Variants in WRAP73 observed in about 807,000 individuals in gnomAD.
WRAP73 encodes WD repeat-containing protein WRAP73.
A neutral mutation model predicts 59.6 loss-of-function variants in WRAP73; 55 were observed. The ratio of observed to expected loss-of-function variants is 0.92; its 90% CI spans 0.74 to 1.15. The LOEUF is 1.15. WRAP73 is among the 50% of genes most tolerant of loss of function. The pLI, the probability that WRAP73 is intolerant of heterozygous loss-of-function variation, is 0.00. For synonymous variants in WRAP73, 265 were observed against 258.2 expected, an observed-to-expected ratio of 1.03 and a Z score of -0.25; for missense variants, 592 against 608.1, an observed-to-expected ratio of 0.97 and a Z score of 0.28.
Position 3,633,439 on chromosome 1 carries a change from G to C in WRAP73, c.881C>G (p.Pro294Arg), listed in dbSNP as rs1644558508. Residue 294 changes from proline to arginine, a missense_variant, in exon 9 of 12, where the codon CCC (proline) becomes CGC (arginine). By Grantham distance (103) the Pro-to-Arg change is moderately radical. Transcript: ENST00000270708. ...LGLGCLSFPP[P>R]RAGAGPLPSS... ...CGGGAGAGGGCCGGCCCCGGCCCGG[G>C]GCGGCGGGAAGGAGAGGCAGCCCAG... The C allele has an allele frequency of 6.2e-7, 1 of 1,612,482 alleles. No individual in the cohort carries two copies. The highest frequency in any genetic ancestry group is 1.3e-5 in the African/African-American group (1 of 74,906).
chr1:3,634,257 C>T (rs144044265), intron 8 of WRAP73: 1,839 of 153,896 alleles, frequency 0.012, 20 homozygotes, highest in Non-Finnish European at 0.021. Context: ...GATGCATCCC[C>T]GGCAGTGGCT....
rs552075918 is a variant in WRAP73 at position 3,643,189 on chromosome 1, C to T, written c.339+3477G>A. Among the ~76,000 whole-genome samples, 13 of 152,324 alleles carry T rather than the reference C, an allele frequency of 8.5e-5. No individual in the cohort carries two copies. In the South Asian group the frequency reaches 2.5e-3, roughly 29 times the overall value. On this transcript the variant is annotated intron_variant, in intron 3 of 11. Coordinates refer to ENST00000270708, the MANE Select transcript of WRAP73 (RefSeq NM_017818.4). ...ACACGGAGGAGTCTAAAAGCAGTGA[C>T]GGGGAACAGCAACAGCAGAGACTGC...
At chr1:3,643,413 T>C (rs1048350295) in intron 3 of WRAP73, among the ~76,000 whole-genome samples, 3 of 152,246 alleles carry the variant, frequency 2.0e-5, no homozygotes, top group African/African-American at 4.8e-5. Context: ...GCTGCAGGCC[T>C]AGGGGTGAGC....
chr1:3,631,533 G>A lies in WRAP73; in HGVS notation c.1173C>T (p.Cys391=), dbSNP rs1053718617. Residue 391 remains cysteine, a synonymous_variant, in exon 11 of 12, where the codon TGC becomes TGT. Transcript: ENST00000270708. ...WDPQQPRLAI[C]TGGSRLYLWS... is the part of the protein sequence containing the mutation. ...ACAGGTAGAGCCTGCTGCCTCCCGT[G>A]CAGATGGCCAGCCGCGGCTGCTGCG... The A allele has an allele frequency of 6.2e-7, 1 of 1,610,846 alleles. No individual in the cohort carries two copies. The highest frequency in any genetic ancestry group is 1.7e-5 in the Admixed American group (1 of 59,798).
Position 3,646,668 on chromosome 1 carries a change from G to C in WRAP73, c.337C>G (p.His113Asp), listed in dbSNP as rs1644694268. 6.3e-7 allele frequency: 1 copy of C among 1,593,360 alleles called. No homozygotes were observed. Among genetic ancestry groups the C allele is most frequent in the East Asian group, 2.3e-5 (1 of 44,336 alleles). Residue 113 changes from histidine (H) to aspartate (D), a missense_variant and splice_region_variant, in exon 3 of 12, where the codon CAT (histidine) becomes GAT (aspartate). By Grantham distance (81) the His-to-Asp change is moderately conservative. Transcript: ENST00000270708. This position sits in a 1 kb window ranked among gnomAD's most constrained non-coding sequence, Gnocchi z 5.1. ...GGTGTCTTGGGGCTGACACTTACAT[G>C]GAATTCCGTGGTGTTGAGAATGTGG... ...GRHILNTTEF[H>D]LRITVWSLCT...
chr1:3,633,408 T>C lies in WRAP73; in HGVS notation c.912A>G (p.Ser304=), dbSNP rs1289089525. 2 of 1,612,692 alleles carry C rather than the reference T, an allele frequency of 1.2e-6. No individual in the cohort carries two copies. The highest frequency in any genetic ancestry group is 2.7e-5 in the African/African-American group (2 of 75,022). ...PRAGAGPLPS[S]ESKYEIASVP... ...ACATGTGCTACTTACATTTACTCTC[T>C]GAGCTCGGGAGAGGGCCGGCCCCGG... Residue 304 remains serine, a synonymous_variant, in exon 9 of 12, where the codon TCA becomes TCG. Coordinates refer to ENST00000270708, the MANE Select transcript of WRAP73 (RefSeq NM_017818.4).
At chr1:3,645,818 C>CA (rs1331976618) in intron 3 of WRAP73, among the ~76,000 whole-genome samples, 1 of 152,144 alleles carries the variant, frequency 6.6e-6, no homozygotes, top group Non-Finnish European at 1.5e-5. Flanking sequence ...CTGAGCTCAG[C>CA]ACGGAGGCTG....
intron 9 of WRAP73, 33 bp downstream of exon 9, chr1:3,633,365 A>G: frequency 6.4e-7 from 1 of 1,569,962 alleles, no homozygotes; most frequent in Non-Finnish European, 8.8e-7. Flanking sequence ...GCATTAAAAA[A>G]GGAAAACAAA....
chr1:3,633,339 G>C, intron 9 of WRAP73, 59 bp downstream of exon 9: 7 of 1,490,348 alleles, frequency 4.7e-6, no homozygotes, highest in Non-Finnish European at 6.5e-6. Flanking sequence ...AGTTTATCTG[G>C]ACAACGAGGA....
rs368156497 is a variant in WRAP73, at chr1:3,633,522, C to A, written c.817-19G>T. 3 of 1,562,358 alleles carry A rather than the reference C, an allele frequency of 1.9e-6. No homozygotes were observed. In the African/African-American group the frequency reaches 4.1e-5, roughly 21 times the overall value. On this transcript the variant is annotated intron_variant, in intron 8 of 11. Transcript: ENST00000270708. ...ACACCACCTGAAAGACACAAGGTGGCCACGCCCGGCTCAGGACAGGGACCC... is the reference window on the plus strand; with the variant it reads ...ACACCACCTGAAAGACACAAGGTGGACACGCCCGGCTCAGGACAGGGACCC...
chr1:3,632,463 T>C, intron 9 of WRAP73, 125 bp from the exon 10 acceptor site: 1 of 1,511,314 alleles, frequency 6.6e-7, no homozygotes, highest in Non-Finnish European at 9.1e-7. Context: ...GGGAGGAAAG[T>C]GCGGCCCAAG....
chr1:3,631,752 G>A (rs1362930471), intron 10 of WRAP73, 95 bp from the exon 11 acceptor site: 15 of 1,495,164 alleles, frequency 1.0e-5, no homozygotes, highest in Admixed American at 4.2e-5. Flanking sequence ...CACAGGAGGG[G>A]AGGGGAAGAA....
intron 6 of WRAP73, 56 bp from the exon 7 acceptor site, chr1:3,635,350 CCA>C: frequency 6.2e-7 from 1 of 1,604,090 alleles, no homozygotes; most frequent in South Asian, 1.1e-5. Context: ...CAGGAACACA[CCA>C]CAGACGCGGG....
chr1:3,644,545 A>G (rs1482479054), intron 3 of WRAP73, among the ~76,000 whole-genome samples: 1 of 152,234 alleles, frequency 6.6e-6, no homozygotes, highest in Non-Finnish European at 1.5e-5. Flanking sequence ...CCTCACTTGC[A>G]ACCATTAAAG....
chr1:3,636,186 A>G, intron 5 of WRAP73, 156 bp from the exon 6 acceptor site: 2 of 641,110 alleles, frequency 3.1e-6, no homozygotes, highest in Non-Finnish European at 5.5e-6. Flanking sequence ...AAATCCCTGT[A>G]GAGCTGCTGC....
intron 8 of WRAP73, 189 bp downstream of exon 8, chr1:3,634,808 G>T: frequency 1.4e-6 from 1 of 709,802 alleles, no homozygotes; most frequent in Non-Finnish European, 2.4e-6. Flanking sequence ...GACCCTTTGG[G>T]CAGCGTGGAG....
intron 4 of WRAP73, among the ~76,000 whole-genome samples, chr1:3,638,444 G>A (rs1644608800): frequency 6.6e-6 from 1 of 152,360 alleles, no homozygotes; most frequent in Middle Eastern, 3.4e-3. Flanking sequence ...GGGTCTGAAC[G>A]CCCAGCTCTG....
intron 3 of WRAP73, among the ~76,000 whole-genome samples, chr1:3,643,595 G>C (rs1365579264): frequency 7.1e-6 from 1 of 140,040 alleles, no homozygotes; most frequent in African/African-American, 2.5e-5. Context: ...CGCGCCTTCG[G>C]AAGGGGACCC....
At position 3,631,544 on chromosome 1, in the gene WRAP73, G is replaced by A. The variant is rs770327176; in HGVS notation, c.1162C>T (p.Leu388=). ...CTGCTGCCTCCCGTGCAGATGGCCAGCCGCGGCTGCTGCGGGTCCCACTGA... is the reference window on the plus strand; with the variant it reads ...CTGCTGCCTCCCGTGCAGATGGCCAACCGCGGCTGCTGCGGGTCCCACTGA... ...AFQWDPQQPR[L]AICTGGSRLY... is the part of the protein sequence containing the mutation. Residue 388 remains leucine, a synonymous_variant, in exon 11 of 12, where the codon CTG becomes TTG. Transcript: ENST00000270708. 23 of 1,610,634 alleles carry A rather than the reference G, an allele frequency of 1.4e-5. No individual in the cohort carries two copies. Among genetic ancestry groups the A allele is most frequent in the Non-Finnish European group, 1.7e-5 (20 of 1,179,334 alleles).
Sources: allele counts gnomAD v4.1 joint callset (sites outside exome capture counted in the v4.1 genomes callset), GRCh38; gene constraint gnomAD v4.1.1; non-coding constraint Gnocchi (gnomAD v3.1); transcripts MANE v1.5; gene names NCBI Gene and HGNC (gene_info 2026-07-23, HGNC 2026-07-21).